The following POLA1 variants were observed in gnomAD, a reference collection of about 807,000 sequenced individuals.
The protein encoded by POLA1 is DNA polymerase alpha catalytic subunit.
Under a neutral mutation model 124.0 loss-of-function variants are expected in POLA1, and 15 were observed. The observed-to-expected ratio is 0.12, with a 90% CI of 0.08 to 0.19. POLA1 has a LOEUF of 0.19. Among genes scored for constraint, POLA1 ranks in the 10% least tolerant of loss-of-function variants. The pLI, the probability that POLA1 is intolerant of heterozygous loss-of-function variation, is 1.00. For missense variants in POLA1, 886 were observed against 1,103.4 expected (o/e 0.80, Z 2.79); for synonymous variants, 408 against 389.4 (o/e 1.05, Z -0.56).
chrX:24,981,311 T>C (rs1384801840), intron 36 of POLA1, among the ~76,000 whole-genome samples: 1 of 112,070 alleles, frequency 8.9e-6, no homozygotes, highest in Non-Finnish European at 1.9e-5. Flanking sequence ...AACTCTCAGA[T>C]TCCCCAAAGT....
At chrX:24,933,282 A>C (rs1303327775) in intron 36 of POLA1, among the ~76,000 whole-genome samples, 2 of 111,939 alleles carry the variant, frequency 1.8e-5, no homozygotes, top group Non-Finnish European at 3.8e-5. Context: ...AGGGGAAAAC[A>C]CCATAAGTTT....
At chrX:24,760,717 C>T (rs1932780938) in intron 26 of POLA1, among the ~76,000 whole-genome samples, 1 of 111,801 alleles carries the variant, frequency 8.9e-6, no homozygotes, top group Non-Finnish European at 1.9e-5. Context: ...TGTCAATTTG[C>T]CAGATCATAA....
chrX:24,727,714 G>A (rs920178462), intron 14 of POLA1, 68 bp from the exon 15 acceptor site: 3 of 883,302 alleles, frequency 3.4e-6, no homozygotes, highest in Non-Finnish European at 4.8e-6. Flanking sequence ...AATGACAGAT[G>A]TCTTAATTAT....
chrX:24,817,259 A>C (rs1232575228), intron 30 of POLA1, among the ~76,000 whole-genome samples: 1 of 111,873 alleles, frequency 8.9e-6, no homozygotes, highest in African/African-American at 3.2e-5. Flanking sequence ...TCTGGGATAT[A>C]AAGTTGAATA....
intron 18 of POLA1, 85 bp from the exon 19 acceptor site, chrX:24,737,540 G>A (rs1931351693): frequency 1.9e-6 from 1 of 535,969 alleles, no homozygotes; most frequent in Admixed American, 3.1e-5. Flanking sequence ...AAAAAGAAAG[G>A]GCAAAGAAAT....
At chrX:24,834,918 T>C (rs2046321328) in intron 32 of POLA1, among the ~76,000 whole-genome samples, 2 of 111,666 alleles carry the variant, frequency 1.8e-5, no homozygotes, top group African/African-American at 3.2e-5. Context: ...AACCCTCATA[T>C]ACTCATCACC....
intron 34 of POLA1, among the ~76,000 whole-genome samples, chrX:24,850,504 A>G: frequency 8.9e-6 from 1 of 112,388 alleles, no homozygotes; most frequent in African/African-American, 3.2e-5. Flanking sequence ...TACATTTATC[A>G]GAAGACCCCT....
chrX:24,742,727 G>A (rs971347892), intron 22 of POLA1, among the ~76,000 whole-genome samples: 4 of 111,865 alleles, frequency 3.6e-5, no homozygotes, highest in Non-Finnish European at 7.5e-5. Context: ...AACTTCTGCT[G>A]AGGTATTGAA....
At chrX:24,855,551 G>A (rs994435256) in intron 34 of POLA1, among the ~76,000 whole-genome samples, 4 of 111,974 alleles carry the variant, frequency 3.6e-5, no homozygotes, top group Non-Finnish European at 7.5e-5. Context: ...AAATTTGAAG[G>A]ACAATTCCCC....
intron 10 of POLA1, among the ~76,000 whole-genome samples, chrX:24,719,579 A>G (rs780787954): frequency 1.1e-4 from 12 of 111,317 alleles, no homozygotes; most frequent in Admixed American, 1.9e-4. Flanking sequence ...CCATTGTACA[A>G]CCTCAGGGAA....
At chrX:24,906,184 A>G (rs769649166) in intron 35 of POLA1, among the ~76,000 whole-genome samples, 7 of 112,465 alleles carry the variant, frequency 6.2e-5, no homozygotes, top group African/African-American at 1.6e-4. Flanking sequence ...AGAAGTCATT[A>G]TATGGAAGAC....
At chrX:24,832,117 G>T (rs1034512039) in intron 32 of POLA1, among the ~76,000 whole-genome samples, 5 of 100,579 alleles carry the variant, frequency 5.0e-5, no homozygotes, top group Admixed American at 2.3e-4. Context: ...ACCACTCCTA[G>T]CTGGGCCCAC....
At chrX:24,913,501 C>T (rs774804388) in intron 35 of POLA1, among the ~76,000 whole-genome samples, 4 of 109,374 alleles carry the variant, frequency 3.7e-5, no homozygotes, top group South Asian at 8.1e-4. Context: ...CACCTGAGGT[C>T]GGTAGTTCAA....
intron 32 of POLA1, among the ~76,000 whole-genome samples, chrX:24,830,373 A>G (rs983205120): frequency 3.4e-4 from 38 of 111,626 alleles, no homozygotes; most frequent in Middle Eastern, 4.6e-3. Flanking sequence ...TTTTAGTGAA[A>G]GGGAGAGAGG....
At chrX:24,938,493 C>T (rs1296465378) in intron 36 of POLA1, among the ~76,000 whole-genome samples, 1 of 112,344 alleles carries the variant, frequency 8.9e-6, no homozygotes, top group Non-Finnish European at 1.9e-5. Flanking sequence ...AGTAAAGTTT[C>T]ACCCTATCAC....
At chrX:24,932,105 G>A (rs1381112964) in intron 36 of POLA1, among the ~76,000 whole-genome samples, 4 of 111,715 alleles carry the variant, frequency 3.6e-5, no homozygotes, top group Non-Finnish European at 7.5e-5. Flanking sequence ...CACCTTGTTG[G>A]CCAGGCTGGC....
intron 26 of POLA1, among the ~76,000 whole-genome samples, chrX:24,800,972 ATTG>A: frequency 8.9e-6 from 1 of 112,112 alleles, no homozygotes; most frequent in South Asian, 3.8e-4. Flanking sequence ...CCTTTCAGAA[ATTG>A]TTGTTTATTC....
intron 35 of POLA1, among the ~76,000 whole-genome samples, chrX:24,905,883 A>G (rs2047360030): frequency 8.9e-6 from 1 of 112,105 alleles, no homozygotes; most frequent in Admixed American, 9.4e-5. Flanking sequence ...AAATGAATGG[A>G]AAAATAGAAA....
At chrX:24,819,701 A>G (rs892033192) in intron 30 of POLA1, among the ~76,000 whole-genome samples, 5 of 110,774 alleles carry the variant, frequency 4.5e-5, no homozygotes, top group East Asian at 5.6e-4. Flanking sequence ...GGTTTGTTAC[A>G]TAGGTACACA....
Sources: gnomAD v4.1 joint callset for allele counts (sites outside exome capture counted in the v4.1 genomes callset) on GRCh38, gnomAD v4.1.1 for gene constraint, MANE v1.5 for transcripts, NCBI Gene and HGNC (gene_info 2026-07-23, HGNC 2026-07-21) for gene names.